Variants in BACH1 observed in about 807,000 individuals in gnomAD.
BACH1 encodes the protein BTB domain and CNC homolog 1.
BACH1 carries 35 observed loss-of-function variants against 52.9 expected under a neutral mutation model. The observed-to-expected ratio is 0.66, with a 90% confidence interval of 0.51 to 0.88. BACH1 has a LOEUF of 0.88. Among genes scored for constraint, BACH1 ranks in the 40% least tolerant of loss-of-function variants. BACH1 has a pLI of 0.00. For missense variants in BACH1, 808 were observed against 872.6 expected (o/e 0.93, Z 0.93); for synonymous variants, 321 against 319.6 (o/e 1.00, Z -0.05).
chr21:29,306,169 AGTGTGTGTGTGTGT>A (rs61571512), intron 1 of BACH1, among the ~76,000 whole-genome samples: 36 of 141,286 alleles, frequency 2.5e-4, no homozygotes, highest in South Asian at 7.0e-4. Context: ...GGTCAGGAAG[AGTGTGTGTGTGTGT>A]GTGTGTGTGT....
intron 1 of BACH1, among the ~76,000 whole-genome samples, chr21:29,320,719 ACTTG>A: frequency 6.6e-6 from 1 of 152,326 alleles, no homozygotes; most frequent in South Asian, 2.1e-4. Flanking sequence ...CACTAAATTC[ACTTG>A]CCATCTATCA....
At chr21:29,310,485 T>C (rs1158840981) in intron 1 of BACH1, among the ~76,000 whole-genome samples, 1 of 152,172 alleles carries the variant, frequency 6.6e-6, no homozygotes, top group Non-Finnish European at 1.5e-5. Context: ...CAGGTAGTAA[T>C]TTGAGTATGC....
chr21:29,333,686 G>T (rs928983469), intron 4 of BACH1, among the ~76,000 whole-genome samples: 1 of 152,096 alleles, frequency 6.6e-6, no homozygotes, highest in Admixed American at 6.6e-5. Context: ...CGTCCTGAGG[G>T]CAATGGCATA....
chr21:29,326,053 C>T lies in BACH1; in HGVS notation c.235-6C>T. 1 of 1,587,188 alleles carries T rather than the reference C, an allele frequency of 6.3e-7. No homozygotes were observed. Among genetic ancestry groups the T allele is most frequent in the Non-Finnish European group, 8.6e-7 (1 of 1,168,468 alleles). On this transcript the variant is annotated splice_region_variant and splice_polypyrimidine_tract_variant and intron_variant, in intron 2 of 4. Transcript: ENST00000286800. ...ATGTGTTTGTTTTTATTTTGTGTAT[C>T]AACAGGTGACAGTTAAAGGATTTGA...
At chr21:29,330,309 C>T (rs1035366055) in intron 4 of BACH1, among the ~76,000 whole-genome samples, 1 of 152,004 alleles carries the variant, frequency 6.6e-6, no homozygotes, top group Non-Finnish European at 1.5e-5. Flanking sequence ...GGACTACAGG[C>T]GCCTGCCACT....
At chr21:29,310,683 T>G (rs2088710691) in intron 1 of BACH1, among the ~76,000 whole-genome samples, 1 of 152,150 alleles carries the variant, frequency 6.6e-6, no homozygotes, top group Non-Finnish European at 1.5e-5. Context: ...GAAGACAAGG[T>G]TTCAGGAAAG....
At chr21:29,315,737 C>G (rs1303233857) in intron 1 of BACH1, among the ~76,000 whole-genome samples, 1 of 152,162 alleles carries the variant, frequency 6.6e-6, no homozygotes, top group East Asian at 1.9e-4. Context: ...TGTTTGAAGA[C>G]TTACTTCAAA....
intron 1 of BACH1, among the ~76,000 whole-genome samples, chr21:29,316,008 T>C (rs1420281827): frequency 2.0e-5 from 3 of 152,166 alleles, no homozygotes; most frequent in Non-Finnish European, 2.9e-5. Context: ...GAGGTGTTAT[T>C]TATTGTACCC....
chr21:29,361,028 T>C (rs577804360), intron 2 of BACH1: 4 of 152,278 alleles, frequency 2.6e-5, no homozygotes, highest in African/African-American at 7.2e-5. Flanking sequence ...CTCACTCCAC[T>C]AGAATGTAAT....
intron 2 of BACH1, chr21:29,351,807 A>G (rs1259541612): frequency 1.3e-5 from 7 of 523,494 alleles, no homozygotes. Flanking sequence ...ATAGCTGCTA[A>G]GATAAGGTAG....
chr21:29,330,228 G>A (rs2088964515), intron 4 of BACH1, among the ~76,000 whole-genome samples: 1 of 152,126 alleles, frequency 6.6e-6, no homozygotes, highest in African/African-American at 2.4e-5. Context: ...GCAGTGGTGC[G>A]ATCTCGGCTC....
chr21:29,319,178 A>G (rs1298400968), intron 1 of BACH1, among the ~76,000 whole-genome samples: 1 of 152,182 alleles, frequency 6.6e-6, no homozygotes, highest in Non-Finnish European at 1.5e-5. Flanking sequence ...ATTACAGCTT[A>G]ATAATCTTGC....
chr21:29,348,117 A>G (rs1438530872), downstream of BACH1, among the ~76,000 whole-genome samples: 1 of 152,212 alleles, frequency 6.6e-6, no homozygotes, highest in African/African-American at 2.4e-5. Context: ...ATAAATCCCA[A>G]GACTATCCTG....
chr21:29,309,048 A>G lies in BACH1; in HGVS notation c.-61+10095A>G, dbSNP rs558410960. 3.7e-3 allele frequency among the ~76,000 whole-genome samples: 562 copies of G among 152,306 alleles called. 4 individuals carry two copies. The highest frequency in any genetic ancestry group is 0.013 in the African/African-American group (533 of 41,572). ...CGAGGCAGGCAGATCACCTGAGGTC[A>G]GGAGTTCGAGACCAGCCTGGCCAAC... On this transcript the variant is annotated intron_variant, in intron 1 of 4. Coordinates refer to ENST00000286800, the MANE Select transcript of BACH1 (RefSeq NM_001186.4).
At chr21:29,311,298 T>A (rs1370329532) in intron 1 of BACH1, among the ~76,000 whole-genome samples, 1 of 152,192 alleles carries the variant, frequency 6.6e-6, no homozygotes, top group African/African-American at 2.4e-5. Context: ...TCCTAAAAAG[T>A]TATATTAATA....
chr21:29,309,125 A>G (rs1430831002), intron 1 of BACH1, among the ~76,000 whole-genome samples: 1 of 151,954 alleles, frequency 6.6e-6, no homozygotes, highest in Non-Finnish European at 1.5e-5. Flanking sequence ...GGGCGTGGTG[A>G]TGCTCGCCTG....
At position 29,326,025 on chromosome 21, in the gene BACH1, A is replaced by G. The variant is rs372093819; in HGVS notation, c.235-34A>G. ...TTTTTATGTACTAGACAGCTTTCAA[A>G]TGATGTGTTTGTTTTTATTTTGTGT... On this transcript the variant is annotated intron_variant, in intron 2 of 4. Coordinates refer to ENST00000286800, the MANE Select transcript of BACH1 (RefSeq NM_001186.4). The G allele has an allele frequency of 1.3e-5, 20 of 1,555,920 alleles. No individual in the cohort carries two copies. In the African/African-American group the frequency reaches 2.6e-4, roughly 20 times the overall value.
At chr21:29,315,751 A>G (rs1355436530) in intron 1 of BACH1, among the ~76,000 whole-genome samples, 1 of 152,248 alleles carries the variant, frequency 6.6e-6, no homozygotes, top group Admixed American at 6.5e-5. Context: ...CTTCAAATAA[A>G]TACCTTTCCA....
intron 4 of BACH1, among the ~76,000 whole-genome samples, chr21:29,331,199 CT>C (rs1396278790): frequency 6.6e-6 from 1 of 152,100 alleles, no homozygotes; most frequent in Non-Finnish European, 1.5e-5. Context: ...TACAGAGATG[CT>C]TTTTACACTG....
Sources: gnomAD v4.1 joint callset for allele counts (sites outside exome capture counted in the v4.1 genomes callset) on GRCh38, gnomAD v4.1.1 for gene constraint, MANE v1.5 for transcripts, NCBI Gene and HGNC (gene_info 2026-07-23, HGNC 2026-07-21) for gene names.